Variants in FUT8 observed in about 807,000 individuals in gnomAD.
FUT8 encodes fucosyltransferase 8.
FUT8 carries 29 observed loss-of-function variants against 71.3 expected under a neutral mutation model. That is an observed-to-expected ratio of 0.41 (90% CI 0.30 to 0.55). FUT8 has a LOEUF of 0.55. FUT8 is among the 20% of genes least tolerant of loss of function. The probability of loss-of-function intolerance (pLI) is 0.34; values close to 1 mark genes in which losing one functional copy is unlikely to be tolerated. For synonymous variants in FUT8, 254 were observed against 239.3 expected (o/e 1.06, Z -0.57); for missense variants, 544 against 702.1 (o/e 0.77, Z 2.55).
intron 7 of FUT8, among the ~76,000 whole-genome samples, chr14:65,680,730 C>G (rs1264497299): frequency 5.3e-5 from 8 of 152,188 alleles, no homozygotes; most frequent in Admixed American, 4.6e-4. Context: ...CTCCTCTGCT[C>G]TCAGAATCCT....
At chr14:65,395,289 A>G in the FUT8 span, among the ~76,000 whole-genome samples, 4 of 152,128 alleles carry the variant, frequency 2.6e-5, no homozygotes, top group Admixed American at 6.5e-5. Flanking sequence ...CCCTCTTGTC[A>G]CAGCTCCACT....
intron 7 of FUT8, among the ~76,000 whole-genome samples, chr14:65,698,545 C>CT (rs1388585958): frequency 6.6e-6 from 1 of 152,112 alleles, no homozygotes; most frequent in Non-Finnish European, 1.5e-5. Flanking sequence ...TATTTGAGGT[C>CT]TTAAACTATT....
At chr14:65,464,496 T>C (rs2066013400) in intron 2 of FUT8, among the ~76,000 whole-genome samples, 1 of 152,324 alleles carries the variant, frequency 6.6e-6, no homozygotes, top group Admixed American at 6.5e-5. Context: ...CTGTAAGTTT[T>C]TTGTAAATTT....
At chr14:65,460,452 A>G (rs1413761846) in intron 2 of FUT8, among the ~76,000 whole-genome samples, 2 of 152,174 alleles carry the variant, frequency 1.3e-5, no homozygotes, top group Non-Finnish European at 2.9e-5. Flanking sequence ...TTGTCCTGTA[A>G]TGCAACCCAC....
intron 3 of FUT8, among the ~76,000 whole-genome samples, chr14:65,572,430 A>G (rs147811564): frequency 1.4e-3 from 220 of 152,342 alleles, no homozygotes; most frequent in African/African-American, 5.0e-3. Context: ...GTACAGTTAA[A>G]TAGCTTGCTG....
chr14:65,430,846 A>G (rs999704401), intron 1 of FUT8, among the ~76,000 whole-genome samples: 5 of 152,344 alleles, frequency 3.3e-5, no homozygotes, highest in Non-Finnish European at 5.9e-5. Context: ...ATCAGATCAA[A>G]TAGACTGAAG....
intron 2 of FUT8, among the ~76,000 whole-genome samples, chr14:65,543,064 G>T (rs1884775215): frequency 6.6e-6 from 1 of 152,196 alleles, no homozygotes; most frequent in African/African-American, 2.4e-5. Context: ...TTACAGGCGT[G>T]AGCCACCGCG....
At chr14:65,383,125 C>G in the FUT8 span, among the ~76,000 whole-genome samples, 1 of 152,150 alleles carries the variant, frequency 6.6e-6, no homozygotes, top group East Asian at 1.9e-4. Flanking sequence ...ATTGCAATCA[C>G]TTCTTACCTG....
At chr14:65,677,789 G>A (rs1476429592) in intron 7 of FUT8, among the ~76,000 whole-genome samples, 1 of 152,182 alleles carries the variant, frequency 6.6e-6, no homozygotes. Flanking sequence ...TCAGGAACTT[G>A]TCATTGAGTA....
At chr14:65,617,662 G>A (rs1048418922) in intron 5 of FUT8, among the ~76,000 whole-genome samples, 2 of 152,024 alleles carry the variant, frequency 1.3e-5, no homozygotes, top group African/African-American at 2.4e-5. Flanking sequence ...TTGAGTAATT[G>A]GGCTGGGCGT....
At chr14:65,622,665 G>A (rs1008386715) in intron 5 of FUT8, among the ~76,000 whole-genome samples, 2 of 152,154 alleles carry the variant, frequency 1.3e-5, no homozygotes, top group African/African-American at 4.8e-5. Context: ...AAGGAGCTTT[G>A]TTTTCTTGCC....
the FUT8 span, among the ~76,000 whole-genome samples, chr14:65,399,268 G>A: frequency 6.6e-6 from 1 of 152,104 alleles, no homozygotes; most frequent in East Asian, 1.9e-4. Flanking sequence ...AGTGAGCCGC[G>A]ATCGCGCCAC....
intron 1 of FUT8, among the ~76,000 whole-genome samples, chr14:65,440,461 A>AT (rs149106885): frequency 0.034 from 5,170 of 152,122 alleles, 157 homozygotes; most frequent in South Asian, 0.091. Flanking sequence ...GATTACAGAC[A>AT]TATGCCACCA....
chr14:65,500,356 T>C (rs910114111), intron 2 of FUT8, among the ~76,000 whole-genome samples: 1 of 149,180 alleles, frequency 6.7e-6, no homozygotes, highest in African/African-American at 2.6e-5. Context: ...ATCATTGTCG[T>C]CATCATCATC....
At chr14:65,595,428 T>G (rs1887912153) in intron 3 of FUT8, among the ~76,000 whole-genome samples, 1 of 152,144 alleles carries the variant, frequency 6.6e-6, no homozygotes. Context: ...TCATCCTCCT[T>G]AAAAGTAAAG....
chr14:65,695,065 A>T (rs1034448942), intron 7 of FUT8, among the ~76,000 whole-genome samples: 1 of 152,214 alleles, frequency 6.6e-6, no homozygotes, highest in Non-Finnish European at 1.5e-5. Flanking sequence ...TAATTTGTTA[A>T]GGTGTGTTTT....
intron 9 of FUT8, among the ~76,000 whole-genome samples, chr14:65,727,661 A>G (rs1219530257): frequency 6.6e-6 from 1 of 152,124 alleles, no homozygotes; most frequent in Non-Finnish European, 1.5e-5. Context: ...CATACCCTGG[A>G]GACATTTTCC....
intron 3 of FUT8, among the ~76,000 whole-genome samples, chr14:65,580,344 A>C (rs781136697): frequency 1.1e-4 from 16 of 151,628 alleles, no homozygotes; most frequent in Non-Finnish European, 2.4e-4. Context: ...AAACATAGAA[A>C]AGGTACAGTA....
At chr14:65,490,880 A>G (rs1288559993) in intron 2 of FUT8, among the ~76,000 whole-genome samples, 1 of 152,136 alleles carries the variant, frequency 6.6e-6, no homozygotes, top group Non-Finnish European at 1.5e-5. Flanking sequence ...AATATTGATC[A>G]TAAGATACAA....
Sources: allele counts gnomAD v4.1 joint callset (sites outside exome capture counted in the v4.1 genomes callset), GRCh38; gene constraint gnomAD v4.1.1; transcripts MANE v1.5; gene names NCBI Gene and HGNC (gene_info 2026-07-23, HGNC 2026-07-21).